ANKRD33B: variants seen among roughly 807,000 people sequenced by gnomAD.
ANKRD33B encodes ankyrin repeat domain-containing protein 33B.
Under a neutral mutation model 21.5 loss-of-function variants are expected in ANKRD33B, and 6 were observed. The observed-to-expected ratio is 0.28, with a 90% CI of 0.15 to 0.55. ANKRD33B has a LOEUF of 0.55. Among genes scored for constraint, ANKRD33B ranks in the 20% least tolerant of loss-of-function variants. ANKRD33B has a pLI of 0.94. For missense variants in ANKRD33B, 698 were observed against 747.2 expected (o/e 0.93, Z 0.77); for synonymous variants, 347 against 342.4 (o/e 1.01, Z -0.15).
chr5:10,572,192 G>A (rs764885078), intron 1 of ANKRD33B, among the ~76,000 whole-genome samples: 1 of 152,002 alleles, frequency 6.6e-6, no homozygotes, highest in African/African-American at 2.4e-5. Flanking sequence ...CCCGGCCAGG[G>A]CATCAGTATT....
At chr5:10,566,763 T>C (rs1485973389) in intron 1 of ANKRD33B, among the ~76,000 whole-genome samples, 1 of 152,136 alleles carries the variant, frequency 6.6e-6, no homozygotes, top group Admixed American at 6.5e-5. Context: ...GGAGGCTAGC[T>C]CCAGCCTCCC....
At chr5:10,597,023 G>A (rs1263461998) in intron 1 of ANKRD33B, among the ~76,000 whole-genome samples, 2 of 152,122 alleles carry the variant, frequency 1.3e-5, no homozygotes, top group African/African-American at 4.8e-5. Flanking sequence ...CATCAGGCCT[G>A]GCTTGCAAGA....
chr5:10,582,866 G>T (rs1352129922), intron 1 of ANKRD33B, among the ~76,000 whole-genome samples: 1 of 152,146 alleles, frequency 6.6e-6, no homozygotes. Context: ...GTTTTATATT[G>T]ATTGGTGGAT....
chr5:10,643,912 G>T (rs181233265), intron 3 of ANKRD33B, among the ~76,000 whole-genome samples: 1 of 149,862 alleles, frequency 6.7e-6, no homozygotes, highest in Admixed American at 6.7e-5. Context: ...TAGAACTTAC[G>T]GAATATTTTC....
rs754516971 is a variant in ANKRD33B at position 10,618,374 on chromosome 5, C to T, written c.408C>T (p.Thr136=). 2.9e-5 allele frequency: 45 copies of T among 1,537,566 alleles called. No individual in the cohort carries two copies. Among genetic ancestry groups the T allele is most frequent in the South Asian group, 9.5e-5 (8 of 84,048 alleles). The change falls in exon 2 of 4, where the codon ACC becomes ACT. Residue 136 remains threonine, a synonymous_variant. Transcript: ENST00000296657. ...IVACYHGFVD[T]VVALAECPHV... Reference sequence around the variant, plus strand: ...CCTGCTACCACGGCTTTGTGGATACCGTGGTGGCCTTAGCAGAGTGCCCCC... The same window carrying T: ...CCTGCTACCACGGCTTTGTGGATACTGTGGTGGCCTTAGCAGAGTGCCCCC...
At position 10,649,647 on chromosome 5, in the gene ANKRD33B, T is replaced by C. The variant is rs912467918; in HGVS notation, c.1019T>C (p.Leu340Pro). Residue 340 changes from leucine (L) to proline (P), a missense_variant, in exon 4 of 4, where the codon CTG becomes CCG. By Grantham distance (98) the Leu-to-Pro change is moderately conservative. Coordinates refer to ENST00000296657, the MANE Select transcript of ANKRD33B (RefSeq NM_001164440.2). ...CCTCCGAGCGTGGGGAAGAGGCGGC[T>C]GGCGGTGCAGGAGATCCTGGCGGCG... ...ESPPSVGKRR[L>P]AVQEILAARA... 6.5e-7 allele frequency: 1 copy of C among 1,530,848 alleles called. No homozygotes were observed. The highest frequency in any genetic ancestry group is 1.4e-5 in the African/African-American group (1 of 72,928). 94.8% of individuals were successfully genotyped at this position (1,530,848 alleles called of 1,614,324 possible). A position where few individuals can be genotyped will look rare whatever the true frequency, so the allele number is the denominator to read the frequency against.
At chr5:10,590,678 C>A (rs976609901) in intron 1 of ANKRD33B, among the ~76,000 whole-genome samples, 1 of 152,110 alleles carries the variant, frequency 6.6e-6, no homozygotes, top group Non-Finnish European at 1.5e-5. Flanking sequence ...CAAGACAATT[C>A]TTCTTCCATT....
intron 2 of ANKRD33B, among the ~76,000 whole-genome samples, chr5:10,621,743 T>C (rs73744111): frequency 0.069 from 10,529 of 152,254 alleles, 969 homozygotes; most frequent in African/African-American, 0.21. Flanking sequence ...TATAAGGCAA[T>C]AGAATATAAT....
rs371660459 is a variant in ANKRD33B, at chr5:10,573,720, A to C, written c.366+8887A>C. On this transcript the variant is annotated intron_variant, in intron 1 of 3. Transcript: ENST00000296657. ...ATGAGAGAGTGAGAGTGAGGGGGGA[A>C]GTGCCACATTAAAACCATCAGATCT... is the stretch of plus-strand genomic sequence containing the variant. 6.6e-5 allele frequency among the ~76,000 whole-genome samples: 10 copies of C among 152,034 alleles called. No individual in the cohort carries two copies. The East Asian group carries it at 1.7e-3, about 27-fold the overall frequency.
rs1025465752 is a variant in ANKRD33B at position 10,654,421 on chromosome 5, T to A, written c.*4308T>A. The A allele has an allele frequency of 5.9e-5, 9 of 152,478 alleles. No individual in the cohort carries two copies. The highest frequency in any genetic ancestry group is 2.2e-4 in the African/African-American group (9 of 41,594). 9.4% of individuals were successfully genotyped at this position (152,478 alleles called of 1,614,324 possible). On this transcript the variant is annotated 3_prime_UTR_variant, in exon 4 of 4. Coordinates refer to ENST00000296657, the MANE Select transcript of ANKRD33B (RefSeq NM_001164440.2). ...CTTCTCAGGGATTTATATATAAATA[T>A]AGTTAGAGGAAAAGTTGAAGTCTAT... is the stretch of plus-strand genomic sequence containing the variant.
intron 1 of ANKRD33B, among the ~76,000 whole-genome samples, chr5:10,614,115 A>G (rs1007407159): frequency 6.6e-6 from 1 of 151,822 alleles, no homozygotes; most frequent in Non-Finnish European, 1.5e-5. Flanking sequence ...TTCCATGAAA[A>G]GTTCAAGATC....
chr5:10,647,924 A>C (rs978509413), intron 3 of ANKRD33B, among the ~76,000 whole-genome samples: 1 of 152,228 alleles, frequency 6.6e-6, no homozygotes, highest in Non-Finnish European at 1.5e-5. Flanking sequence ...CTTTGGGGCA[A>C]CACTTAGATC....
chr5:10,623,531 A>C (rs929779036), intron 2 of ANKRD33B, among the ~76,000 whole-genome samples: 3 of 152,174 alleles, frequency 2.0e-5, no homozygotes, highest in African/African-American at 7.2e-5. Context: ...GTCAGGACCT[A>C]ATCACCTCCG....
At chr5:10,623,728 A>G (rs1274510513) in intron 2 of ANKRD33B, among the ~76,000 whole-genome samples, 2 of 152,218 alleles carry the variant, frequency 1.3e-5, no homozygotes, top group Non-Finnish European at 2.9e-5. Context: ...AGTCCAAGTC[A>G]GGTAGCAGGA....
At chr5:10,627,138 C>CG (rs1487714171) in intron 2 of ANKRD33B, 1 of 152,150 alleles carries the variant, frequency 6.6e-6, no homozygotes, top group Non-Finnish European at 1.5e-5. Context: ...ATGGAGAGAA[C>CG]GTTTGAAAAT....
intron 1 of ANKRD33B, among the ~76,000 whole-genome samples, chr5:10,574,738 G>A (rs1735279114): frequency 6.6e-6 from 1 of 152,108 alleles, no homozygotes. Context: ...TTATAGCACA[G>A]TTAAAACAAA....
intron 1 of ANKRD33B, among the ~76,000 whole-genome samples, chr5:10,617,519 A>C (rs1736310899): frequency 1.3e-5 from 2 of 151,650 alleles, no homozygotes; most frequent in Admixed American, 6.6e-5. Context: ...TGCTGCCCCC[A>C]CCCTGGTGTG....
chr5:10,648,985 G>GT (rs1737252414), intron 3 of ANKRD33B, among the ~76,000 whole-genome samples: 1 of 151,204 alleles, frequency 6.6e-6, no homozygotes, highest in South Asian at 2.1e-4. Context: ...TACCTGGGCG[G>GT]TGGTGTAGCC....
At chr5:10,608,397 G>T (rs909140379) in intron 1 of ANKRD33B, among the ~76,000 whole-genome samples, 4 of 151,624 alleles carry the variant, frequency 2.6e-5, no homozygotes, top group African/African-American at 9.7e-5. Flanking sequence ...TTCTGAAGGG[G>T]AAGAGCAAGG....
Sources: allele counts gnomAD v4.1 joint callset (sites outside exome capture counted in the v4.1 genomes callset), GRCh38; gene constraint gnomAD v4.1.1; transcripts MANE v1.5; gene names NCBI Gene and HGNC (gene_info 2026-07-23, HGNC 2026-07-21).